Variants in RFX3 observed in about 807,000 individuals in gnomAD.
RFX3 encodes the protein transcription factor RFX3.
RFX3 carries 14 observed loss-of-function variants against 98.6 expected under a neutral mutation model. The ratio of observed to expected loss-of-function variants is 0.14; its 90% CI spans 0.09 to 0.22. RFX3 has a LOEUF of 0.22. Ranked by LOEUF, RFX3 falls within the 10% of genes least tolerant of loss-of-function variation. RFX3 has a pLI of 1.00. For synonymous variants in RFX3, 383 were observed against 328.4 expected (o/e 1.17, Z -1.80); for missense variants, 639 against 926.9 (o/e 0.69, Z 4.03).
intron 3 of RFX3, among the ~76,000 whole-genome samples, chr9:3,331,616 G>T (rs1011151309): frequency 1.9e-4 from 29 of 151,842 alleles, no homozygotes; most frequent in African/African-American, 7.0e-4. Context: ...TTGTCCCTTA[G>T]TTTCTATGGC....
At chr9:3,316,985 TACTG>T (rs1465906632) in intron 4 of RFX3, among the ~76,000 whole-genome samples, 1 of 152,014 alleles carries the variant, frequency 6.6e-6, no homozygotes, top group East Asian at 1.9e-4. Flanking sequence ...ATCAAACTAC[TACTG>T]ACTTTCTTCA....
chr9:3,409,917 C>G (rs900546064), intron 1 of RFX3, among the ~76,000 whole-genome samples: 1 of 151,894 alleles, frequency 6.6e-6, no homozygotes, highest in African/African-American at 2.4e-5. Context: ...TCAAGACTCC[C>G]AATTCCCAGT....
intron 1 of RFX3, among the ~76,000 whole-genome samples, chr9:3,493,038 T>C (rs895218025): frequency 2.6e-5 from 4 of 152,110 alleles, no homozygotes; most frequent in African/African-American, 9.7e-5. Context: ...ATTATTATAG[T>C]AGTAGTAGTC....
chr9:3,236,206 C>A (rs1055429592), intron 15 of RFX3, among the ~76,000 whole-genome samples: 2 of 152,110 alleles, frequency 1.3e-5, no homozygotes, highest in Non-Finnish European at 2.9e-5. Flanking sequence ...TTTAATTTTA[C>A]ATACAAGTTC....
intron 7 of RFX3, among the ~76,000 whole-genome samples, chr9:3,281,900 A>C (rs1825959238): frequency 6.6e-6 from 1 of 151,812 alleles, no homozygotes; most frequent in African/African-American, 2.4e-5. Context: ...TTCAACTAAC[A>C]GCACCAGGTG....
rs1282858504 is a variant in RFX3, at chr9:3,248,194, A to G, written c.1815-9T>C. The stretch of plus-strand genomic sequence containing the variant: ...CCCGAATAACCATTGAGCTGTTCCA[A>G]GAGAAAAGACAAATATGCAGCTAAC... On this transcript the variant is annotated splice_polypyrimidine_tract_variant and intron_variant, in intron 14 of 16. Transcript: ENST00000617270. 6.3e-7 allele frequency: 1 copy of G among 1,587,542 alleles called. No individual in the cohort carries two copies. The highest frequency in any genetic ancestry group is 1.8e-5 in the Admixed American group (1 of 56,852).
intron 5 of RFX3, among the ~76,000 whole-genome samples, chr9:3,297,089 G>C (rs2129868593): frequency 6.6e-6 from 1 of 152,148 alleles, no homozygotes; most frequent in East Asian, 1.9e-4. Flanking sequence ...AAAGGCACAG[G>C]CTCCATGAGC....
At chr9:3,311,059 T>C (rs554355638) in intron 4 of RFX3, among the ~76,000 whole-genome samples, 45 of 152,364 alleles carry the variant, frequency 3.0e-4, no homozygotes, top group African/African-American at 1.1e-3. Context: ...TTACCTAATG[T>C]ATAACAATTG....
intron 1 of RFX3, among the ~76,000 whole-genome samples, chr9:3,510,213 T>C (rs1211515905): frequency 6.6e-6 from 1 of 151,774 alleles, no homozygotes; most frequent in Non-Finnish European, 1.5e-5. Context: ...AAGGCTGAAG[T>C]TGGCCACTGA....
intron 1 of RFX3, among the ~76,000 whole-genome samples, chr9:3,503,224 T>C (rs1196977799): frequency 6.6e-6 from 1 of 152,170 alleles, no homozygotes; most frequent in Non-Finnish European, 1.5e-5. Flanking sequence ...TGCCTGGGCA[T>C]ATTTGCAAGT....
At chr9:3,486,128 CAAAAAAAAAAAAAA>C (rs772747349) in intron 1 of RFX3, among the ~76,000 whole-genome samples, 1 of 49,156 alleles carries the variant, frequency 2.0e-5, no homozygotes, top group Non-Finnish European at 3.6e-5. Flanking sequence ...TGTCTCAAAC[CAAAAAAAAAAAAAA>C]AAAAAAAAAA....
chr9:3,408,029 A>G (rs539279241), intron 1 of RFX3, among the ~76,000 whole-genome samples: 5 of 152,266 alleles, frequency 3.3e-5, no homozygotes, highest in South Asian at 2.1e-4. Flanking sequence ...GCCCACTTCT[A>G]AAGGAGTAGG....
chr9:3,281,571 G>A (rs950988917), intron 7 of RFX3, among the ~76,000 whole-genome samples: 1 of 151,712 alleles, frequency 6.6e-6, no homozygotes, highest in Non-Finnish European at 1.5e-5. Context: ...AACAGCACTT[G>A]GTTTCAAAAT....
chr9:3,469,274 AC>A (rs1431758380), intron 1 of RFX3: 1 of 410,442 alleles, frequency 2.4e-6, no homozygotes, highest in East Asian at 7.2e-5. Context: ...GTGTTCATAT[AC>A]TATTTCATAT....
At chr9:3,406,894 C>T (rs1408714194) in intron 1 of RFX3, among the ~76,000 whole-genome samples, 6 of 151,886 alleles carry the variant, frequency 4.0e-5, no homozygotes, top group African/African-American at 9.7e-5. Flanking sequence ...AATAAAGAAA[C>T]AAGATAAGGA....
At chr9:3,251,607 T>C (rs1455929523) in intron 14 of RFX3, among the ~76,000 whole-genome samples, 1 of 151,922 alleles carries the variant, frequency 6.6e-6, no homozygotes, top group South Asian at 2.1e-4. Context: ...ATAGCTGGGA[T>C]TACAGGTGCA....
rs185403906 is a variant in RFX3, at chr9:3,233,488, G to A, written c.1969-4599C>T. Among the ~76,000 whole-genome samples, 200 of 152,300 alleles carry A rather than the reference G, an allele frequency of 1.3e-3. 1 individual carries two copies. The highest frequency in any genetic ancestry group is 4.5e-3 in the African/African-American group (187 of 41,556). On this transcript the variant is annotated intron_variant, in intron 15 of 16. Coordinates refer to ENST00000617270, the MANE Select transcript of RFX3 (RefSeq NM_001282116.2). The stretch of plus-strand genomic sequence containing the variant: ...TGTAATGTTTGGGCACTGAAACAAC[G>A]CAGAGGAAGTTAGGGTGCCTAGACA...
intron 2 of RFX3, among the ~76,000 whole-genome samples, chr9:3,386,121 C>G (rs183767515): frequency 6.6e-6 from 1 of 151,980 alleles, no homozygotes; most frequent in African/African-American, 2.4e-5. Context: ...GAAGGAGGAA[C>G]AAAAGTTCTT....
At chr9:3,492,578 A>G (rs1850804377) in intron 1 of RFX3, among the ~76,000 whole-genome samples, 2 of 152,180 alleles carry the variant, frequency 1.3e-5, no homozygotes, top group East Asian at 1.9e-4. Flanking sequence ...GGCATACTCA[A>G]CTCTACGCCT....
Sources: allele counts gnomAD v4.1 joint callset (sites outside exome capture counted in the v4.1 genomes callset), GRCh38; gene constraint gnomAD v4.1.1; transcripts MANE v1.5; gene names NCBI Gene and HGNC (gene_info 2026-07-23, HGNC 2026-07-21).